Variants in EPHA6 observed in about 807,000 individuals in gnomAD.
EPHA6 encodes EPH receptor A6, also known as ephrin type-A receptor 6.
A neutral mutation model predicts 112.0 loss-of-function variants in EPHA6; 50 were observed. That is an observed-to-expected ratio of 0.45 (90% CI 0.36 to 0.56). The LOEUF is 0.56. EPHA6 is among the 20% of genes least tolerant of loss of function. The pLI, the probability that EPHA6 is intolerant of heterozygous loss-of-function variation, is 0.00. For synonymous variants in EPHA6, 529 were observed against 490.7 expected, an observed-to-expected ratio of 1.08 and a Z score of -1.03; for missense variants, 1,280 against 1,417.4, an observed-to-expected ratio of 0.90 and a Z score of 1.56.
chr3:97,233,309 C>CAAA (rs55764447), intron 4 of EPHA6, among the ~76,000 whole-genome samples: 6 of 86,510 alleles, frequency 6.9e-5, no homozygotes, highest in African/African-American at 1.3e-4. Context: ...ACAATGTATG[C>CAAA]AAAAAAAAAA....
chr3:96,987,386 A>T lies in EPHA6; in HGVS notation c.507A>T (p.Val169=), dbSNP rs762684823. 3.1e-6 allele frequency: 5 copies of T among 1,613,758 alleles called. No individual in the cohort carries two copies. The highest frequency in any genetic ancestry group is 4.2e-6 in the Non-Finnish European group (5 of 1,179,808). Residue 169 remains valine (V), a synonymous_variant, in exon 3 of 18, where the codon GTA becomes GTT. Coordinates refer to ENST00000389672, the MANE Select transcript of EPHA6 (RefSeq NM_001080448.3). ...EHNRPIHTYQ[V]CNVMEPNQNN... ...ATAGGCCCATTCACACATACCAGGT[A>T]TGTAATGTAATGGAACCAAACCAAA... is the stretch of plus-strand genomic sequence containing the variant.
intron 1 of EPHA6, among the ~76,000 whole-genome samples, chr3:96,839,595 AAAT>A (rs1423608676): frequency 6.6e-6 from 1 of 152,058 alleles, no homozygotes; most frequent in East Asian, 1.9e-4. Context: ...AAGAAATGAG[AAAT>A]AATATTAATA....
intron 6 of EPHA6, among the ~76,000 whole-genome samples, chr3:97,446,193 C>T (rs549172012): frequency 8.5e-5 from 13 of 152,160 alleles, no homozygotes; most frequent in Admixed American, 7.2e-4. Flanking sequence ...CTGCTGTGTA[C>T]TGTGAAGAAT....
intron 3 of EPHA6, among the ~76,000 whole-genome samples, chr3:97,215,320 A>G (rs2078002040): frequency 6.6e-6 from 1 of 152,192 alleles, no homozygotes; most frequent in Admixed American, 6.5e-5. Flanking sequence ...TTAGAGACAT[A>G]CTTTGTGTGT....
At chr3:97,475,821 T>A (rs1275516044) in intron 8 of EPHA6, among the ~76,000 whole-genome samples, 1 of 152,182 alleles carries the variant, frequency 6.6e-6, no homozygotes, top group African/African-American at 2.4e-5. Flanking sequence ...AACCTAGTGT[T>A]ATAGAAATAT....
At chr3:97,699,173 C>T (rs919731361) in intron 14 of EPHA6, among the ~76,000 whole-genome samples, 1 of 152,120 alleles carries the variant, frequency 6.6e-6, no homozygotes, top group African/African-American at 2.4e-5. Flanking sequence ...CTAGTTTGCT[C>T]CTCTTCACTT....
At chr3:97,375,060 C>T (rs923502081) in intron 5 of EPHA6, among the ~76,000 whole-genome samples, 1 of 152,116 alleles carries the variant, frequency 6.6e-6, no homozygotes, top group Non-Finnish European at 1.5e-5. Context: ...TAGTGTGCTA[C>T]GTTCTTTAGT....
In EPHA6 at chr3:97,741,353, T is replaced by TA. The variant is rs560379107; in HGVS notation, c.3128+5243dup. On this transcript the variant is annotated intron_variant, in intron 16 of 17. Coordinates refer to ENST00000389672, the MANE Select transcript of EPHA6 (RefSeq NM_001080448.3). ...GGGCAACAGAGTGAGACTCCGTATC[T>TA]AAAAAAAAGAGAAAAGAAAAATAGA... is the stretch of plus-strand genomic sequence containing the variant. Among the ~76,000 whole-genome samples the TA allele has an allele frequency of 3.5e-3, 532 of 151,474 alleles. 5 individuals carry two copies. The highest frequency in any genetic ancestry group is 0.012 in the African/African-American group (475 of 41,296).
chr3:97,388,259 A>C (rs2086187516), intron 5 of EPHA6, among the ~76,000 whole-genome samples: 1 of 152,206 alleles, frequency 6.6e-6, no homozygotes, highest in South Asian at 2.1e-4. Context: ...CGATTATGCC[A>C]CTAGCATTGA....
chr3:97,441,207 C>G (rs1422359196), intron 6 of EPHA6, among the ~76,000 whole-genome samples: 1 of 151,814 alleles, frequency 6.6e-6, no homozygotes, highest in Non-Finnish European at 1.5e-5. Flanking sequence ...AAATTTTAGC[C>G]TGAAATATTA....
chr3:97,616,276 G>A (rs2093765422), intron 13 of EPHA6, among the ~76,000 whole-genome samples: 1 of 152,128 alleles, frequency 6.6e-6, no homozygotes, highest in African/African-American at 2.4e-5. Context: ...AAATCCAAAG[G>A]TCAGCAACCT....
At chr3:97,516,565 T>C (rs985797719) in intron 10 of EPHA6, among the ~76,000 whole-genome samples, 22 of 152,154 alleles carry the variant, frequency 1.4e-4, no homozygotes, top group African/African-American at 4.3e-4. Context: ...TGGGTGACTA[T>C]CCAGATAACA....
At chr3:97,013,777 T>C (rs2044170933) in intron 3 of EPHA6, among the ~76,000 whole-genome samples, 1 of 152,198 alleles carries the variant, frequency 6.6e-6, no homozygotes, top group African/African-American at 2.4e-5. Flanking sequence ...ATATATCTTA[T>C]CTGCTTAAGA....
intron 2 of EPHA6, among the ~76,000 whole-genome samples, chr3:96,898,940 A>G (rs1234925201): frequency 6.6e-6 from 1 of 151,494 alleles, no homozygotes; most frequent in African/African-American, 2.4e-5. Flanking sequence ...AGGCAGGAGA[A>G]TGGCGTGAAC....
intron 3 of EPHA6, among the ~76,000 whole-genome samples, chr3:97,185,516 A>C (rs548493638): frequency 1.3e-5 from 2 of 152,196 alleles, no homozygotes; most frequent in African/African-American, 4.8e-5. Context: ...CCACAATGAG[A>C]TACCATCTCA....
At chr3:96,962,578 C>T (rs1309290154) in intron 2 of EPHA6, among the ~76,000 whole-genome samples, 2 of 149,684 alleles carry the variant, frequency 1.3e-5, no homozygotes, top group African/African-American at 4.9e-5. Context: ...AAAGAGATTC[C>T]ATTTTCAAAA....
chr3:96,820,635 A>C (rs1027732773), intron 1 of EPHA6, among the ~76,000 whole-genome samples: 28 of 152,222 alleles, frequency 1.8e-4, no homozygotes, highest in Admixed American at 9.8e-4. Context: ...AATATGTAGC[A>C]AGGCTGAGAT....
At chr3:97,025,462 C>A (rs911586513) in intron 3 of EPHA6, among the ~76,000 whole-genome samples, 1 of 152,088 alleles carries the variant, frequency 6.6e-6, no homozygotes, top group Non-Finnish European at 1.5e-5. Flanking sequence ...TTAACAGTTT[C>A]TTTTGTTATG....
chr3:97,480,229 TTA>T (rs199591748), intron 9 of EPHA6, among the ~76,000 whole-genome samples: 27,955 of 151,022 alleles, frequency 0.19, 3,814 homozygotes, highest in African/African-American at 0.38. Flanking sequence ...TTCTTTTTAT[TTA>T]TTTATTTTTT....
Sources: gnomAD v4.1 joint callset for allele counts (sites outside exome capture counted in the v4.1 genomes callset) on GRCh38, gnomAD v4.1.1 for gene constraint, MANE v1.5 for transcripts, NCBI Gene and HGNC (gene_info 2026-07-23, HGNC 2026-07-21) for gene names.